Variants in CACNA1F observed in about 807,000 individuals in gnomAD.
CACNA1F encodes the protein calcium voltage-gated channel subunit alpha1 F.
CACNA1F carries 59 observed loss-of-function variants against 143.8 expected under a neutral mutation model. That is an observed-to-expected ratio of 0.41 (90% CI 0.33 to 0.51). CACNA1F has a LOEUF of 0.51. Ranked by LOEUF, CACNA1F falls within the 20% of genes least tolerant of loss-of-function variation. The pLI, the probability that CACNA1F is intolerant of heterozygous loss-of-function variation, is 0.22. For missense variants in CACNA1F, 1,411 were observed against 1,647.5 expected, an observed-to-expected ratio of 0.86 and a Z score of 2.48; for synonymous variants, 643 against 649.1, an observed-to-expected ratio of 0.99 and a Z score of 0.14.
chrX:49,219,851 C>T, intron 19 of CACNA1F, 61 bp from the exon 20 acceptor site: 2 of 669,355 alleles, frequency 3.0e-6, no homozygotes, highest in South Asian at 2.3e-5. Flanking sequence ...GCACCCAGAA[C>T]AGTGTTTGCC....
Position 49,220,182 on chromosome X carries a change from ATCC to A in CACNA1F, c.2386+288_2386+290del, listed in dbSNP as rs782714012. 3.6e-5 allele frequency among the ~76,000 whole-genome samples: 4 copies of A among 111,734 alleles called. No individual in the cohort carries two copies. The East Asian group carries it at 1.1e-3, about 31-fold the overall frequency. On this transcript the variant is annotated intron_variant, in intron 19 of 47. Coordinates refer to ENST00000323022, the MANE Select transcript of CACNA1F (RefSeq NM_001256789.3). ...AACCTTGAACTTCTGGGCTCAAGCAATCCTCCTACCTTAGCCTCCTGAGTAGCT... is the reference window on the plus strand; with the variant it reads ...AACCTTGAACTTCTGGGCTCAAGCAATCCTACCTTAGCCTCCTGAGTAGCT...
intron 4 of CACNA1F, 72 bp downstream of exon 4, chrX:49,230,778 C>T (rs1273813321): frequency 8.0e-6 from 9 of 1,129,494 alleles, no homozygotes; most frequent in Non-Finnish European, 8.3e-6. Flanking sequence ...GAGTCGCTTT[C>T]CTGAGCCCAG....
At position 49,215,170 on chromosome X, in the gene CACNA1F, A is replaced by C; in HGVS notation, c.3513T>G (p.Arg1171=). The change falls in exon 29 of 48, where the codon CGT becomes CGG. Residue 1171 remains arginine (R), a synonymous_variant. Transcript: ENST00000323022. ...RYIPKNPHQY[R]VWATVNSAAF... ...CAGCAGAGTTCACAGTGGCCCACAC[A>C]CGATACTGATGCGGGTTCTTGGGGA... is the stretch of plus-strand genomic sequence containing the variant. 1.7e-6 allele frequency: 2 copies of C among 1,210,480 alleles called. No individual in the cohort carries two copies. The highest frequency in any genetic ancestry group is 2.2e-6 in the Non-Finnish European group (2 of 894,509).
At chrX:49,225,527 G>T (rs924896295) in intron 13 of CACNA1F, among the ~76,000 whole-genome samples, 1 of 111,182 alleles carries the variant, frequency 9.0e-6, no homozygotes, top group Non-Finnish European at 1.9e-5. Flanking sequence ...GATGATAAGA[G>T]CCTGGATTCT....
chrX:49,207,475 G>T (rs1233198144), intron 43 of CACNA1F, among the ~76,000 whole-genome samples: 1 of 110,978 alleles, frequency 9.0e-6, no homozygotes, highest in African/African-American at 3.3e-5. Context: ...CTGTCACTTA[G>T]GCTGGAGTGC....
At chrX:49,228,891 A>G (rs1309573354) in intron 6 of CACNA1F, among the ~76,000 whole-genome samples, 10 of 111,859 alleles carry the variant, frequency 8.9e-5, no homozygotes, top group African/African-American at 2.9e-4. Flanking sequence ...CTAAGGCAAC[A>G]CTTAGCTCCA....
chrX:49,229,442 C>T (rs782218224), intron 6 of CACNA1F, among the ~76,000 whole-genome samples: 7 of 110,935 alleles, frequency 6.3e-5, no homozygotes, highest in African/African-American at 2.3e-4. Context: ...CAGGCGTGAA[C>T]CACGGCGCCC....
intron 33 of CACNA1F, 139 bp downstream of exon 33, chrX:49,212,528 A>C (rs1220067464): frequency 1.4e-6 from 1 of 728,532 alleles, no homozygotes; most frequent in Non-Finnish European, 2.0e-6. Flanking sequence ...GAGAGCCCAG[A>C]AAAAAGAGAA....
At chrX:49,216,357 A>C (rs782092619) in intron 27 of CACNA1F, 25 bp downstream of exon 27, 1 of 1,207,067 alleles carries the variant, frequency 8.3e-7, no homozygotes, top group Admixed American at 2.2e-5. Context: ...TCATCCCCTG[A>C]TAAACCCAGG....
In CACNA1F at chrX:49,226,012, C is replaced by T; in HGVS notation, c.1548G>A (p.Lys516=). 1 of 1,185,325 alleles carries T rather than the reference C, an allele frequency of 8.4e-7. No homozygotes were observed. Residue 516 remains lysine (K), a synonymous_variant, in exon 13 of 48, where the codon AAG becomes AAA. Transcript: ENST00000323022. ...VLRARCRRAV[K]SNACYWAVLL... ...GCACAGCCCAGTAGCAGGCATTGGACTTCACTGCCCGACGGCAGCGTGCCC... is the reference window on the plus strand; with the variant it reads ...GCACAGCCCAGTAGCAGGCATTGGATTTCACTGCCCGACGGCAGCGTGCCC...
chrX:49,218,223 G>A (rs984790886), intron 24 of CACNA1F, among the ~76,000 whole-genome samples: 7 of 112,189 alleles, frequency 6.2e-5, no homozygotes, highest in Non-Finnish European at 1.3e-4. Context: ...GGGGATCTGT[G>A]GCCACCTGTC....
In CACNA1F at chrX:49,218,978, C is replaced by T. The variant is rs201433334; in HGVS notation, c.2674-37G>A. On this transcript the variant is annotated intron_variant, in intron 21 of 47. Coordinates refer to ENST00000323022, the MANE Select transcript of CACNA1F (RefSeq NM_001256789.3). ...GAAAGAGCGGGGAGCCACTGAGTCA[C>T]GGCTGAGGGGGATCCTAGGTGACTT... The T allele has an allele frequency of 9.1e-5, 99 of 1,084,954 alleles. No homozygotes were observed. In the African/African-American group the frequency reaches 9.9e-4, roughly 11 times the overall value. 89.4% of individuals were successfully genotyped at this position (1,084,954 alleles called of 1,213,427 possible). A position where few individuals can be genotyped will look rare whatever the true frequency, so the allele number is the denominator to read the frequency against.
chrX:49,208,431 C>CCACA, intron 43 of CACNA1F, 84 bp downstream of exon 43: 7 of 611,284 alleles, frequency 1.1e-5, no homozygotes, highest in East Asian at 3.9e-5. Context: ...CCACCCCCCT[C>CCACA]AACTTCCTGC....
At chrX:49,212,403 T>C in intron 33 of CACNA1F, 95 bp from the exon 34 acceptor site, 1 of 736,111 alleles carries the variant, frequency 1.4e-6, no homozygotes, top group African/African-American at 2.1e-5. Context: ...GGCCTGGGCC[T>C]ACTGGGAGAT....
In CACNA1F at chrX:49,218,728, A is replaced by G; in HGVS notation, c.2741T>C (p.Val914Ala). 1 of 1,088,982 alleles carries G rather than the reference A, an allele frequency of 9.2e-7. No individual in the cohort carries two copies. Among genetic ancestry groups the G allele is most frequent in the Non-Finnish European group, 1.2e-6 (1 of 824,470 alleles). 89.7% of individuals were successfully genotyped at this position (1,088,982 alleles called of 1,213,427 possible). The change falls in exon 23 of 48, where the codon GTG becomes GCG. Residue 914 changes from valine (V) to alanine (A), a missense_variant. Val to Ala is a moderately conservative substitution (Grantham distance 64). This residue lies in a region of CACNA1F where 950 missense variants were observed against 1,128.1 expected (regional missense o/e 0.84). Transcript: ENST00000323022. The part of the protein sequence containing the change: ...FTVEILLKMT[V>A]FGAFLHRGSF... ...GCCGCGGTGCAGGAAGGCCCCAAAC[A>G]CTGTCATCTGGGGACAGGACAAGAG...
intron 4 of CACNA1F, 39 bp from the exon 5 acceptor site, chrX:49,230,648 C>T (rs1557111132): frequency 4.4e-6 from 5 of 1,143,461 alleles, no homozygotes; most frequent in Non-Finnish European, 5.8e-6. Flanking sequence ...GGAGGTCAGG[C>T]CTTGGGATTC....
At chrX:49,211,527 A>T in intron 35 of CACNA1F, 46 bp from the exon 36 acceptor site, 1 of 1,107,092 alleles carries the variant, frequency 9.0e-7, no homozygotes, top group African/African-American at 1.8e-5. Flanking sequence ...GGAGGCTATG[A>T]AGTCATGGTA....
At chrX:49,226,288 A>C (rs1557109874) in intron 11 of CACNA1F, 45 bp from the exon 12 acceptor site, 1 of 1,145,755 alleles carries the variant, frequency 8.7e-7, no homozygotes, top group South Asian at 1.8e-5. Flanking sequence ...AAAGGGCAGA[A>C]GGGGTGTCAG....
chrX:49,219,702 A>C lies in CACNA1F; in HGVS notation c.2475T>G (p.Val825=). The change falls in exon 20 of 48, where the codon GTT becomes GTG. Residue 825 remains valine, a synonymous_variant. Transcript: ENST00000323022. ...GAGGVELLQE[V]VPKEKVVPIP... ...TGGGTACCACCTTCTCCTTGGGTACAACTTCCTGCAGGAGTTCCACACCCC... is the reference window on the plus strand; with the variant it reads ...TGGGTACCACCTTCTCCTTGGGTACCACTTCCTGCAGGAGTTCCACACCCC... The C allele has an allele frequency of 8.3e-7, 1 of 1,200,130 alleles. No homozygotes were observed. The highest frequency in any genetic ancestry group is 1.1e-6 in the Non-Finnish European group (1 of 889,734).
Sources: gnomAD v4.1 joint callset for allele counts (sites outside exome capture counted in the v4.1 genomes callset) on GRCh38, gnomAD v4.1.1 for gene constraint, gnomAD v4.1.1 regional missense constraint, MANE v1.5 for transcripts, NCBI Gene and HGNC (gene_info 2026-07-23, HGNC 2026-07-21) for gene names.